The following EI24 variants were observed in gnomAD, a reference collection of about 807,000 sequenced individuals.
The protein encoded by EI24 is EI24 autophagy associated transmembrane protein, also known as etoposide-induced protein 2.4 homolog.
In EI24, 21 loss-of-function variants were observed where a neutral mutation model predicts 48.6. The ratio of observed to expected loss-of-function variants is 0.43; its 90% CI spans 0.31 to 0.62. EI24 has a LOEUF of 0.62. Ranked by LOEUF, EI24 falls within the 20% of genes least tolerant of loss-of-function variation. The pLI, the probability that EI24 is intolerant of heterozygous loss-of-function variation, is 0.10. For synonymous variants in EI24, 114 were observed against 145.5 expected, an observed-to-expected ratio of 0.78 and a Z score of 1.56; for missense variants, 280 against 410.5, an observed-to-expected ratio of 0.68 and a Z score of 2.75.
At position 125,575,176 on chromosome 11, in the gene EI24, A is replaced by G. The variant is rs924906617; in HGVS notation, c.43-87A>G. ...CAGGAGTTGGAGGCTGCAGTGAGCT[A>G]TGATTGAGTCACTGCACTGTAGCTT... On this transcript the variant is annotated intron_variant, in intron 2 of 10. Transcript: ENST00000278903. 6 of 1,259,132 alleles carry G rather than the reference A, an allele frequency of 4.8e-6. No homozygotes were observed. The African/African-American group carries it at 9.1e-5, about 19-fold the overall frequency. 78.0% of individuals were successfully genotyped at this position (1,259,132 alleles called of 1,614,324 possible).
chr11:125,570,839 A>G (rs1006274085), intron 1 of EI24, among the ~76,000 whole-genome samples: 11 of 152,182 alleles, frequency 7.2e-5, no homozygotes, highest in African/African-American at 1.9e-4. Flanking sequence ...AGTGTCGTGC[A>G]TATCACTGAG....
At position 125,583,623 on chromosome 11, in the gene EI24, A is replaced by G. The variant is rs2135878707; in HGVS notation, c.963A>G (p.Ala321=). ...LQSALSSSTS[A]EKFPSPHPSP... Reference sequence around the variant, plus strand: ...CGGCCCTGAGCAGCTCTACTTCTGCAGAGAAGTTCCCTTCACCGCATCCGT... The same window carrying G: ...CGGCCCTGAGCAGCTCTACTTCTGCGGAGAAGTTCCCTTCACCGCATCCGT... Residue 321 remains alanine (A), a synonymous_variant, in exon 11 of 11, where the codon GCA becomes GCG. Coordinates refer to ENST00000278903, the MANE Select transcript of EI24 (RefSeq NM_004879.5). 2 of 1,613,458 alleles carry G rather than the reference A, an allele frequency of 1.2e-6. No homozygotes were observed. The highest frequency in any genetic ancestry group is 2.2e-5 in the South Asian group (2 of 91,006).
chr11:125,572,615 T>A, intron 2 of EI24, 46 bp downstream of exon 2: 1 of 1,587,544 alleles, frequency 6.3e-7, no homozygotes, highest in African/African-American at 1.3e-5. Context: ...GCCTTTTTTT[T>A]TTTTGCTGAA....
intron 10 of EI24, among the ~76,000 whole-genome samples, chr11:125,582,704 A>G (rs558287776): frequency 1.3e-5 from 2 of 152,272 alleles, no homozygotes; most frequent in East Asian, 3.9e-4. Context: ...AGTAAAATAT[A>G]CTTTAAAATG....
intron 7 of EI24, among the ~76,000 whole-genome samples, 172 bp from the exon 8 acceptor site, chr11:125,579,921 C>T (rs1238776724): frequency 6.6e-6 from 1 of 152,150 alleles, no homozygotes; most frequent in Admixed American, 6.5e-5. Flanking sequence ...GCCTCATCCT[C>T]CCAAACTGTT....
intron 1 of EI24, among the ~76,000 whole-genome samples, chr11:125,571,868 C>T (rs1484604521): frequency 6.6e-6 from 1 of 152,152 alleles, no homozygotes; most frequent in Non-Finnish European, 1.5e-5. Flanking sequence ...AAGAGCGAGA[C>T]TCTGTCTCAA....
intron 6 of EI24, among the ~76,000 whole-genome samples, chr11:125,578,470 T>G (rs922902437): frequency 6.6e-6 from 1 of 151,332 alleles, no homozygotes; most frequent in Admixed American, 6.6e-5. Flanking sequence ...CCTTTTCTTT[T>G]TCGTTTTGGC....
At chr11:125,569,801 T>TGCGTGATCCGCACCTC (rs969170819) in intron 1 of EI24, 12 of 269,638 alleles carry the variant, frequency 4.5e-5, no homozygotes, top group East Asian at 1.9e-4. Context: ...ACCCGGAGCG[T>TGCGTGATCCGCACCTC]GCGTGATCCG....
At position 125,583,505 on chromosome 11, in the gene EI24, G is replaced by C; in HGVS notation, c.861-16G>C. 6.5e-7 allele frequency: 1 copy of C among 1,547,036 alleles called. No homozygotes were observed. Among genetic ancestry groups the C allele is most frequent in the African/African-American group, 1.4e-5 (1 of 72,396 alleles). ...AGTAACTGGGGAGCTAACAAGTTGG[G>C]TTTCTTGCCTTTTAGTCTCTTCCAG... On this transcript the variant is annotated splice_polypyrimidine_tract_variant and intron_variant, in intron 10 of 10. Coordinates refer to ENST00000278903, the MANE Select transcript of EI24 (RefSeq NM_004879.5).
Position 125,580,198 on chromosome 11 carries a change from A to C in EI24, c.667A>C (p.Asn223His), listed in dbSNP as rs778428992. The C allele has an allele frequency of 3.7e-6, 6 of 1,608,308 alleles. No individual in the cohort carries two copies. The highest frequency in any genetic ancestry group is 5.1e-6 in the Non-Finnish European group (6 of 1,174,774). Residue 223 changes from asparagine (N) to histidine (H), a missense_variant, in exon 8 of 11, where the codon AAT (asparagine) becomes CAT (histidine). By Grantham distance (68) the Asn-to-His change is moderately conservative. Around this residue, in one of 3 missense-constraint regions of EI24, gnomAD observed 204 missense variants for 294.1 expected, o/e 0.69. Coordinates refer to ENST00000278903, the MANE Select transcript of EI24 (RefSeq NM_004879.5). The stretch of plus-strand genomic sequence containing the variant: ...GTACTGCTTTGAATATCGTTGGTTC[A>C]ATAAAGGTAAGTCCATCTAAAGAAA... ...SLYCFEYRWF[N>H]KGIEMHQRLS...
rs1338814047 is a variant in EI24, at chr11:125,576,441, A to G, written c.249+126A>G. 4.6e-6 allele frequency: 4 copies of G among 870,602 alleles called. No homozygotes were observed. In the Admixed American group the frequency reaches 6.8e-5, roughly 15 times the overall value. The allele number at this position is 870,602 out of a possible 1,614,324, so 53.9% of individuals were successfully genotyped here. ...CATCTGCTGATGTACACTTAGAAATATAACTCAGGAGTCTGTGCATCTGCA... is the reference window on the plus strand; with the variant it reads ...CATCTGCTGATGTACACTTAGAAATGTAACTCAGGAGTCTGTGCATCTGCA... On this transcript the variant is annotated intron_variant, in intron 4 of 10. Coordinates refer to ENST00000278903, the MANE Select transcript of EI24 (RefSeq NM_004879.5).
At chr11:125,581,083 T>TAAG (rs753226046) in intron 8 of EI24, 128 bp from the exon 9 acceptor site, 1 of 182,304 alleles carries the variant, frequency 5.5e-6, no homozygotes, top group Admixed American at 7.0e-5. Flanking sequence ...TCTCAAATAA[T>TAAG]AATAATAATA....
In EI24 at chr11:125,583,913, C is replaced by T. The variant is rs1331043712; in HGVS notation, c.*230C>T. On this transcript the variant is annotated 3_prime_UTR_variant, in exon 11 of 11. Transcript: ENST00000278903. ...CATCACCGTGAGTCTGAAAGGACCA[C>T]AGGTTTTTCTGCAGCTATTTTCTAG... is the stretch of plus-strand genomic sequence containing the variant. 9.0e-6 allele frequency: 5 copies of T among 556,282 alleles called. No homozygotes were observed. The highest frequency in any genetic ancestry group is 1.6e-5 in the Non-Finnish European group (5 of 313,392). The allele number at this position is 556,282 out of a possible 1,614,324, so 34.5% of individuals were successfully genotyped here.
At chr11:125,575,696 G>A (rs972554801) in intron 3 of EI24, 12 of 245,942 alleles carry the variant, frequency 4.9e-5, no homozygotes, top group Admixed American at 9.6e-5. Context: ...AAGAACCCTG[G>A]CCCCACACTT....
intron 2 of EI24, 138 bp from the exon 3 acceptor site, chr11:125,575,125 G>A (rs1374007115): frequency 5.9e-6 from 4 of 674,456 alleles, no homozygotes; most frequent in Non-Finnish European, 6.8e-6. Flanking sequence ...TCTTTGGGAG[G>A]CTGAGGCAGG....
At chr11:125,579,152 A>AT in intron 7 of EI24, 84 bp downstream of exon 7, 2 of 1,345,396 alleles carry the variant, frequency 1.5e-6, no homozygotes, top group Non-Finnish European at 2.0e-6. Context: ...AAGACAGAGT[A>AT]TTATATTTAT....
intron 2 of EI24, among the ~76,000 whole-genome samples, chr11:125,573,048 T>C (rs74710970): frequency 0.049 from 7,411 of 152,070 alleles, 241 homozygotes; most frequent in East Asian, 0.11. Context: ...CTTTTTTTTT[T>C]CCCAATTTTT....
intron 8 of EI24, 75 bp downstream of exon 8, chr11:125,580,279 T>C: frequency 1.8e-6 from 2 of 1,092,982 alleles, no homozygotes; most frequent in Non-Finnish European, 2.8e-6. Context: ...CTTCTTAAAC[T>C]ACTCATAGTC....
rs1028818107 is a variant in EI24 at position 125,572,552 on chromosome 11, C to T, written c.25C>T (p.Leu9Phe). ...GATGGCTGACAGTGTCAAAACCTTTCTCCAGGACCTTGCCAGAGTGAGTAC... is the reference window on the plus strand; with the variant it reads ...GATGGCTGACAGTGTCAAAACCTTTTTCCAGGACCTTGCCAGAGTGAGTAC... MADSVKTF[L>F]QDLARGIKDS... The change falls in exon 2 of 11, where the codon CTC (leucine) becomes TTC (phenylalanine). Residue 9 changes from leucine to phenylalanine, a missense_variant. By Grantham distance (22) the Leu-to-Phe change is conservative. Around this residue, in one of 3 missense-constraint regions of EI24, gnomAD observed 204 missense variants for 294.1 expected, o/e 0.69. Coordinates refer to ENST00000278903, the MANE Select transcript of EI24 (RefSeq NM_004879.5). 6.2e-7 allele frequency: 1 copy of T among 1,613,248 alleles called. No individual in the cohort carries two copies. The highest frequency in any genetic ancestry group is 1.1e-5 in the South Asian group (1 of 91,014).
Sources: gnomAD v4.1 joint callset for allele counts (sites outside exome capture counted in the v4.1 genomes callset) on GRCh38, gnomAD v4.1.1 for gene constraint, gnomAD v4.1.1 regional missense constraint, MANE v1.5 for transcripts, NCBI Gene and HGNC (gene_info 2026-07-23, HGNC 2026-07-21) for gene names.